Variants in ADAMTS18 observed in about 807,000 individuals in gnomAD.
ADAMTS18 encodes A disintegrin and metalloproteinase with thrombospondin motifs 18.
In ADAMTS18, 157 loss-of-function variants were observed where a neutral mutation model predicts 165.9. The observed-to-expected ratio is 0.95, with a 90% CI of 0.83 to 1.08. The LOEUF is 1.08. Ranked by LOEUF, ADAMTS18 falls within the 50% of genes least tolerant of loss-of-function variation. The probability of loss-of-function intolerance (pLI) is 0.00; values close to 1 mark genes in which losing one functional copy is unlikely to be tolerated. For missense variants in ADAMTS18, 2,040 were observed against 1,534.0 expected, an observed-to-expected ratio of 1.33 and a Z score of -5.51; for synonymous variants, 782 against 578.2, an observed-to-expected ratio of 1.35 and a Z score of -5.06.
At chr16:77,298,344 ATGC>A (rs1297568397) in intron 17 of ADAMTS18, among the ~76,000 whole-genome samples, 1 of 152,114 alleles carries the variant, frequency 6.6e-6, no homozygotes, top group Non-Finnish European at 1.5e-5. Context: ...CCAAATAGAG[ATGC>A]TGCCTCCCCT....
intron 16 of ADAMTS18, among the ~76,000 whole-genome samples, chr16:77,313,320 G>A (rs555788443): frequency 1.3e-5 from 2 of 152,156 alleles, no homozygotes; most frequent in Admixed American, 6.5e-5. Context: ...GGGAAGGATA[G>A]CATTAGGAGA....
In ADAMTS18 at chr16:77,355,923, G is replaced by T. The variant is rs2056622809; in HGVS notation, c.1460+17C>A. On this transcript the variant is annotated intron_variant, in intron 9 of 22. Coordinates refer to ENST00000282849, the MANE Select transcript of ADAMTS18 (RefSeq NM_199355.4). Reference sequence around the variant, plus strand: ...CACTCCAAACCTAGGAGCACCCCAGGATTTAACCTGTCATACCTGAGGAAT... The same window carrying T: ...CACTCCAAACCTAGGAGCACCCCAGTATTTAACCTGTCATACCTGAGGAAT... The T allele has an allele frequency of 1.2e-6, 2 of 1,613,836 alleles. No homozygotes were observed. The highest frequency in any genetic ancestry group is 3.3e-5 in the Admixed American group (2 of 60,004).
chr16:77,301,574 G>A (rs965537850), intron 16 of ADAMTS18, among the ~76,000 whole-genome samples: 2 of 152,226 alleles, frequency 1.3e-5, no homozygotes, highest in African/African-American at 4.8e-5. Context: ...AAGAGGCAAA[G>A]CTGATTGCCA....
chr16:77,413,972 T>A (rs978030941), intron 3 of ADAMTS18, among the ~76,000 whole-genome samples: 1 of 152,186 alleles, frequency 6.6e-6, no homozygotes, highest in Non-Finnish European at 1.5e-5. Context: ...GTTTTTGCCA[T>A]CAGAATTGTA....
intron 12 of ADAMTS18, among the ~76,000 whole-genome samples, chr16:77,326,631 C>T (rs1342992988): frequency 6.6e-6 from 1 of 152,222 alleles, no homozygotes; most frequent in Non-Finnish European, 1.5e-5. Flanking sequence ...GATCCACCCC[C>T]ATCAGGCTCC....
intron 16 of ADAMTS18, among the ~76,000 whole-genome samples, chr16:77,305,050 G>A (rs7186987): frequency 0.5 from 75,571 of 152,066 alleles, 19,517 homozygotes; most frequent in Non-Finnish European, 0.54. Flanking sequence ...GAAAGCTGAT[G>A]TAAGAATTTA....
At chr16:77,325,077 T>C (rs1175113775) in intron 13 of ADAMTS18, among the ~76,000 whole-genome samples, 1 of 152,242 alleles carries the variant, frequency 6.6e-6, no homozygotes, top group African/African-American at 2.4e-5. Flanking sequence ...TATAGGTTCA[T>C]GTTGCGCTTT....
In ADAMTS18 at chr16:77,424,940, C is replaced by T. The variant is rs12446009; in HGVS notation, c.495+6355G>A. Among the ~76,000 whole-genome samples, 14 of 152,252 alleles carry T rather than the reference C, an allele frequency of 9.2e-5. 1 individual carries two copies. The highest frequency in any genetic ancestry group is 2.1e-4 in the South Asian group (1 of 4,822). ...CTAGTTTCTTTCTGCCCGCCATGGACGAAGGTCATTCAACTTCAGCCCTTT... is the reference window on the plus strand; with the variant it reads ...CTAGTTTCTTTCTGCCCGCCATGGATGAAGGTCATTCAACTTCAGCCCTTT... On this transcript the variant is annotated intron_variant, in intron 3 of 22. Coordinates refer to ENST00000282849, the MANE Select transcript of ADAMTS18 (RefSeq NM_199355.4).
intron 15 of ADAMTS18, among the ~76,000 whole-genome samples, chr16:77,320,641 A>G (rs2144638945): frequency 6.6e-6 from 1 of 150,612 alleles, no homozygotes; most frequent in South Asian, 2.1e-4. Flanking sequence ...TCTGTCTCAA[A>G]AAAAAAAAAT....
chr16:77,367,304 T>C, intron 4 of ADAMTS18, 137 bp downstream of exon 4: 1 of 892,590 alleles, frequency 1.1e-6, no homozygotes, highest in East Asian at 2.6e-5. Context: ...CTGAGAGAGA[T>C]AATTACTGGT....
intron 13 of ADAMTS18, among the ~76,000 whole-genome samples, chr16:77,323,109 T>C (rs915418513): frequency 6.6e-6 from 1 of 152,112 alleles, no homozygotes; most frequent in Non-Finnish European, 1.5e-5. Context: ...ATGTTTCTGA[T>C]ATCAAAGGCA....
intron 3 of ADAMTS18, among the ~76,000 whole-genome samples, chr16:77,415,820 T>G (rs1282146975): frequency 1.3e-5 from 2 of 149,376 alleles, no homozygotes; most frequent in Non-Finnish European, 3.0e-5. Context: ...GATGAAAAAA[T>G]GAGAAATATC....
intron 3 of ADAMTS18, among the ~76,000 whole-genome samples, chr16:77,413,515 C>G (rs556130966): frequency 5.9e-5 from 9 of 152,134 alleles, no homozygotes; most frequent in Non-Finnish European, 1.0e-4. Context: ...AATGTGACCT[C>G]AAGTCAGATA....
At chr16:77,297,519 G>T in intron 17 of ADAMTS18, 104 bp from the exon 18 acceptor site, 1 of 1,233,064 alleles carries the variant, frequency 8.1e-7, no homozygotes, top group Non-Finnish European at 1.2e-6. Context: ...TTTTATTTCA[G>T]ATATGGAATC....
chr16:77,317,850 G>A (rs943862021), intron 16 of ADAMTS18, among the ~76,000 whole-genome samples: 4 of 152,158 alleles, frequency 2.6e-5, no homozygotes, highest in Non-Finnish European at 4.4e-5. Context: ...CGCTGTGCAT[G>A]GAACTGAGAA....
intron 4 of ADAMTS18, among the ~76,000 whole-genome samples, chr16:77,365,155 G>T (rs1597176515): frequency 7.0e-6 from 1 of 142,888 alleles, no homozygotes; most frequent in Non-Finnish European, 1.5e-5. Flanking sequence ...AGAGTCTCTG[G>T]GTGACAGAGT....
At position 77,291,037 on chromosome 16, in the gene ADAMTS18, A is replaced by G. The variant is rs572067310; in HGVS notation, c.3402+229T>C. ...TTTTACATACATTTTCTGATGAACA[A>G]AAACAAATCAACTCTCCCAGATAAT... On this transcript the variant is annotated intron_variant, in intron 21 of 22. Coordinates refer to ENST00000282849, the MANE Select transcript of ADAMTS18 (RefSeq NM_199355.4). 9.7e-4 allele frequency: 565 copies of G among 580,238 alleles called. 3 individuals are homozygous for G. The Middle Eastern group carries it at 0.01, about 11-fold the overall frequency. The allele number at this position is 580,238 out of a possible 1,614,324, so 35.9% of individuals were successfully genotyped here.
intron 8 of ADAMTS18, among the ~76,000 whole-genome samples, chr16:77,356,985 AT>A (rs4038549): frequency 0.014 from 1,998 of 140,474 alleles, 44 homozygotes; most frequent in African/African-American, 0.04. Context: ...CTTTTCTGAA[AT>A]TTTTTTTTTT....
intron 3 of ADAMTS18, among the ~76,000 whole-genome samples, chr16:77,407,805 A>C (rs1179354322): frequency 6.6e-6 from 1 of 152,110 alleles, no homozygotes; most frequent in Non-Finnish European, 1.5e-5. Context: ...ATTATAAACT[A>C]AATGTAAAGG....
Sources: allele counts gnomAD v4.1 joint callset (sites outside exome capture counted in the v4.1 genomes callset), GRCh38; gene constraint gnomAD v4.1.1; transcripts MANE v1.5; gene names NCBI Gene and HGNC (gene_info 2026-07-23, HGNC 2026-07-21).